Variants in SAMMSON observed in about 807,000 individuals in gnomAD.
The protein encoded by SAMMSON is survival associated mitochondrial melanoma specific oncogenic non-coding RNA, also known as long intergenic non-protein coding RNA 1212.
intron 4 of SAMMSON, among the ~76,000 whole-genome samples, chr3:70,098,798 A>T (rs1576121353): frequency 6.6e-6 from 1 of 152,214 alleles, no homozygotes; most frequent in East Asian, 1.9e-4. Context: ...AGAAACTCCC[A>T]GGGGTTTTGT....
At position 70,072,440 on chromosome 3, in the gene SAMMSON, T is replaced by A. The variant is rs564528914; in HGVS notation, n.507+875T>A. 5.3e-5 allele frequency: 8 copies of A among 151,924 alleles called. 1 individual carries two copies. The South Asian group carries it at 1.7e-3, about 32-fold the overall frequency. 9.4% of individuals were successfully genotyped at this position (151,924 alleles called of 1,614,324 possible). On this transcript the variant is annotated intron_variant and non_coding_transcript_variant, in intron 4 of 9. Transcript: ENST00000642114. ...CCCTACTCTTCAAACAACACTTTTTTTCCCCCGCCCCGTGAGCTGGAGTTT... is the reference window on the plus strand; with the variant it reads ...CCCTACTCTTCAAACAACACTTTTTATCCCCCGCCCCGTGAGCTGGAGTTT...
chr3:70,208,169 C>A (rs979581281), intron 4 of SAMMSON, among the ~76,000 whole-genome samples: 6 of 152,054 alleles, frequency 3.9e-5, no homozygotes, highest in Non-Finnish European at 7.4e-5. Context: ...CCTGAACAAG[C>A]AACAGTCCTC....
At chr3:70,295,829 C>A (rs1056394465) in intron 7 of SAMMSON, among the ~76,000 whole-genome samples, 1 of 152,120 alleles carries the variant, frequency 6.6e-6, no homozygotes. Flanking sequence ...AATTATAATA[C>A]CTTATTTTTT....
At chr3:70,399,122 C>T (rs1447176698) in intron 2 of SAMMSON, among the ~76,000 whole-genome samples, 1 of 152,086 alleles carries the variant, frequency 6.6e-6, no homozygotes, top group Non-Finnish European at 1.5e-5. Flanking sequence ...AGTAAGCAGC[C>T]ACCCCATATT....
intron 6 of SAMMSON, among the ~76,000 whole-genome samples, chr3:70,258,126 A>T (rs1480943495): frequency 2.6e-5 from 4 of 152,196 alleles, no homozygotes; most frequent in Non-Finnish European, 5.9e-5. Flanking sequence ...ATCATAGACA[A>T]AAAAATTAAT....
intron 4 of SAMMSON, chr3:70,071,706 T>C (rs1265256747): frequency 6.6e-6 from 1 of 152,104 alleles, no homozygotes; most frequent in Non-Finnish European, 1.5e-5. Context: ...TTATCAATGA[T>C]GATCAACCTT....
Position 70,419,654 on chromosome 3 carries a change from T to G in SAMMSON, n.234-42906T>G, listed in dbSNP as rs546750965. 7.9e-5 allele frequency among the ~76,000 whole-genome samples: 12 copies of G among 151,950 alleles called. No individual in the cohort carries two copies. The East Asian group carries it at 2.1e-3, about 27-fold the overall frequency. On this transcript the variant is annotated intron_variant and non_coding_transcript_variant, in intron 2 of 3. Transcript: ENST00000641053. ...GCTATCTGAAAATGGTTTGTTTGTT[T>G]TTGAGACTGAGTCCCGCTCTGTCAC... is the stretch of plus-strand genomic sequence containing the variant.
At chr3:70,237,959 A>G (rs1701627009) in intron 4 of SAMMSON, among the ~76,000 whole-genome samples, 1 of 133,146 alleles carries the variant, frequency 7.5e-6, no homozygotes, top group African/African-American at 3.0e-5. Context: ...AGAAGGGAAA[A>G]GAAACTAATT....
chr3:70,123,609 C>A (rs959443940), intron 4 of SAMMSON, among the ~76,000 whole-genome samples: 1 of 152,216 alleles, frequency 6.6e-6, no homozygotes, highest in African/African-American at 2.4e-5. Flanking sequence ...CACTCCCCAG[C>A]CCCTGACCAG....
chr3:70,063,963 C>T (rs1459417205), intron 3 of SAMMSON, among the ~76,000 whole-genome samples: 1 of 152,054 alleles, frequency 6.6e-6, no homozygotes, highest in African/African-American at 2.4e-5. Context: ...AAGGTCAGTC[C>T]TCAGATCTCA....
chr3:70,335,064 A>G (rs1420459331), intron 7 of SAMMSON, among the ~76,000 whole-genome samples: 5 of 960 alleles, frequency 5.2e-3, no homozygotes, highest in Non-Finnish European at 0.01. Context: ...TGCTTTGGGG[A>G]AAAAAAAAAA....
chr3:70,268,021 T>C (rs1701936980), intron 6 of SAMMSON, among the ~76,000 whole-genome samples: 1 of 148,716 alleles, frequency 6.7e-6, no homozygotes. Context: ...CCTCCTTCTC[T>C]TCCTCTTTCT....
intron 7 of SAMMSON, among the ~76,000 whole-genome samples, chr3:70,324,840 G>A (rs926800117): frequency 5.9e-5 from 9 of 151,394 alleles, no homozygotes; most frequent in African/African-American, 1.9e-4. Context: ...ACAGGTGATA[G>A]AGGAAATATT....
chr3:70,207,002 C>A (rs1205788713), intron 4 of SAMMSON, among the ~76,000 whole-genome samples: 1 of 149,800 alleles, frequency 6.7e-6, no homozygotes, highest in East Asian at 2.0e-4. Context: ...CAAACTTTAC[C>A]TATCATGGTA....
intron 6 of SAMMSON, among the ~76,000 whole-genome samples, chr3:70,274,800 T>C (rs1454010001): frequency 6.6e-6 from 1 of 152,180 alleles, no homozygotes; most frequent in Non-Finnish European, 1.5e-5. Flanking sequence ...CCAAATTGAA[T>C]AGGTATTAAG....
intron 1 of SAMMSON, among the ~76,000 whole-genome samples, chr3:70,007,742 A>G (rs2066934422): frequency 6.6e-6 from 1 of 151,980 alleles, no homozygotes; most frequent in Admixed American, 6.6e-5. Context: ...CCTGAATGGT[A>G]TTGCTTAGAT....
At chr3:70,011,039 C>T (rs756149189) in intron 1 of SAMMSON, among the ~76,000 whole-genome samples, 3 of 152,038 alleles carry the variant, frequency 2.0e-5, no homozygotes, top group African/African-American at 4.8e-5. Context: ...AAGGTGAGAG[C>T]CAAACTATAT....
At chr3:70,367,985 G>A (rs557068693) in intron 9 of SAMMSON, among the ~76,000 whole-genome samples, 1 of 150,022 alleles carries the variant, frequency 6.7e-6, no homozygotes, top group South Asian at 2.1e-4. Flanking sequence ...TGTTGAGTTT[G>A]AAGAGTTTTT....
chr3:70,355,712 C>G (rs1702824699), intron 8 of SAMMSON, among the ~76,000 whole-genome samples: 1 of 152,218 alleles, frequency 6.6e-6, no homozygotes, highest in Non-Finnish European at 1.5e-5. Context: ...GCAAGCGTAA[C>G]TTTTCAGAAC....
Sources: allele counts gnomAD v4.1 joint callset (sites outside exome capture counted in the v4.1 genomes callset), GRCh38; gene constraint gnomAD v4.1.1; transcripts MANE v1.5; gene names NCBI Gene and HGNC (gene_info 2026-07-23, HGNC 2026-07-21).